Variants in PTPRS observed in about 807,000 individuals in gnomAD.
The protein encoded by PTPRS is receptor-type tyrosine-protein phosphatase S.
A neutral mutation model predicts 215.3 loss-of-function variants in PTPRS; 63 were observed. The ratio of observed to expected loss-of-function variants is 0.29; its 90% confidence interval spans 0.24 to 0.36. The LOEUF (loss-of-function observed/expected upper bound fraction) is 0.36. Among genes scored for constraint, PTPRS ranks in the 10% least tolerant of loss-of-function variants. The pLI is 1.00. For missense variants in PTPRS, 2,258 were observed against 2,825.8 expected (o/e 0.80, Z 4.56); for synonymous variants, 1,404 against 1,191.4 (o/e 1.18, Z -3.68).
Position 5,293,114 on chromosome 19 carries a change from G to A in PTPRS, c.-94-6880C>T, listed in dbSNP as rs1330257130. 1 of 151,746 alleles carries A rather than the reference G, an allele frequency of 6.6e-6. No individual in the cohort carries two copies. The highest frequency in any genetic ancestry group is 1.5e-5 in the Non-Finnish European group (1 of 67,820). 9.4% of individuals were successfully genotyped at this position (151,746 alleles called of 1,614,324 possible). On this transcript the variant is annotated intron_variant, in intron 1 of 37. Transcript: ENST00000262963. This position sits in a 1 kb window ranked among gnomAD's most constrained non-coding sequence, Gnocchi z 8.4. ...AGCCCGGGGCGGCCCGGGCCTCGGG[G>A]TGGAAGGGGGTCCCGGGCGCACTCA...
Position 5,216,776 on chromosome 19 carries a change from A to G in PTPRS, c.4049-9T>C. ...GCTCCTGAGGCCTGAATCTGCAAAC[A>G]GCAAACAATAAATAAATGAAAACAT... On this transcript the variant is annotated splice_polypyrimidine_tract_variant and intron_variant, in intron 25 of 37. Transcript: ENST00000262963. 6.4e-7 allele frequency: 1 copy of G among 1,552,440 alleles called. No individual in the cohort carries two copies. The highest frequency in any genetic ancestry group is 1.7e-4 in the Middle Eastern group (1 of 5,992).
In PTPRS at chr19:5,237,848, C is replaced by T. The variant is rs1194329140; in HGVS notation, c.1849+1071G>A. 3.3e-5 allele frequency among the ~76,000 whole-genome samples: 5 copies of T among 150,972 alleles called. No individual in the cohort carries two copies. The South Asian group carries it at 1.1e-3, about 32-fold the overall frequency. On this transcript the variant is annotated intron_variant, in intron 13 of 37. Transcript: ENST00000262963. This position sits in a 1 kb window ranked among gnomAD's most constrained non-coding sequence, Gnocchi z 4.2. ...GGGAGCAGGAAGGAGGGAAGGGGGC[C>T]GGCGGGGGCAGGGGGGTTGTGTCTC...
Position 5,220,368 on chromosome 19 carries a change from GAA to G in PTPRS, c.3456-17_3456-16del. 3 of 1,604,628 alleles carry G rather than the reference GAA, an allele frequency of 1.9e-6. No individual in the cohort carries two copies. Among genetic ancestry groups the G allele is most frequent in the Non-Finnish European group, 2.6e-6 (3 of 1,172,706 alleles). On this transcript the variant is annotated splice_polypyrimidine_tract_variant and intron_variant, in intron 20 of 37. Coordinates refer to ENST00000262963, the MANE Select transcript of PTPRS (RefSeq NM_002850.4). The stretch of plus-strand genomic sequence containing the variant: ...TGAAATAGCTCCTGTAGGGAGATGG[GAA>G]AGAGTCAGAGGGGCTGTCGATAGGG...
intron 8 of PTPRS, 131 bp from the exon 9 acceptor site, chr19:5,256,250 T>TC (rs2045550808): frequency 1.5e-6 from 1 of 678,824 alleles, no homozygotes. Context: ...GTTTTTTTTT[T>TC]CTTTAAACCA....
intron 1 of PTPRS, among the ~76,000 whole-genome samples, chr19:5,306,038 G>A (rs1423496185): frequency 6.6e-6 from 1 of 150,736 alleles, no homozygotes; most frequent in Non-Finnish European, 1.5e-5. Flanking sequence ...TTGAGGAAGG[G>A]AGGGAGTCCC....
At chr19:5,311,359 C>T (rs2049696089) in intron 1 of PTPRS, among the ~76,000 whole-genome samples, 1 of 152,116 alleles carries the variant, frequency 6.6e-6, no homozygotes, top group Admixed American at 6.6e-5. Flanking sequence ...AGGGTTTTTC[C>T]CTCTGTCTTC....
rs1419809370 is a variant in PTPRS, at chr19:5,211,578, C to T, written c.5234+12G>A. ...TTCTGGGGCCCTGAGGTGGGAAAGG[C>T]ATGGCACCTACCTGTAGCCATCAAT... On this transcript the variant is annotated intron_variant, in intron 33 of 37. Coordinates refer to ENST00000262963, the MANE Select transcript of PTPRS (RefSeq NM_002850.4). 1.9e-6 allele frequency: 3 copies of T among 1,599,066 alleles called. No homozygotes were observed. The Middle Eastern group carries it at 5.1e-4, about 270-fold the overall frequency.
At chr19:5,290,410 G>A (rs2146962527) in intron 1 of PTPRS, among the ~76,000 whole-genome samples, 1 of 152,336 alleles carries the variant, frequency 6.6e-6, no homozygotes, top group East Asian at 1.9e-4. Context: ...CGCCTCTGGG[G>A]GCTCCCCCGC....
intron 20 of PTPRS, 34 bp downstream of exon 20, chr19:5,220,966 T>C: frequency 6.4e-7 from 1 of 1,564,352 alleles, no homozygotes; most frequent in African/African-American, 1.4e-5. Flanking sequence ...CTGATGGGGG[T>C]GACAAGGAAC....
At position 5,339,201 on chromosome 19, in the gene PTPRS, A is replaced by C. The variant is rs970085115; in HGVS notation, c.-95+1463T>G. On this transcript the variant is annotated intron_variant, in intron 1 of 37. Transcript: ENST00000262963. The surrounding 1 kb of genome is among the most constrained non-coding windows in gnomAD (Gnocchi z 4.2). ...CTCCCCTAGATTGTGACGGGGGGGG[A>C]CAGGGGAATCCCAGCTGAGCCCAGA... is the stretch of plus-strand genomic sequence containing the variant. Among the ~76,000 whole-genome samples the C allele has an allele frequency of 1.3e-5, 2 of 150,768 alleles. No homozygotes were observed. Among genetic ancestry groups the C allele is most frequent in the Non-Finnish European group, 3.0e-5 (2 of 67,690 alleles).
chr19:5,238,881 C>A, intron 13 of PTPRS, 38 bp downstream of exon 13: 2 of 1,541,068 alleles, frequency 1.3e-6, no homozygotes, highest in Non-Finnish European at 1.7e-6. Context: ...AGGCCGTGGT[C>A]CCTCCCGCAG....
At chr19:5,219,124 T>G in intron 23 of PTPRS, 186 bp downstream of exon 23, 1 of 816,794 alleles carries the variant, frequency 1.2e-6, no homozygotes, top group Non-Finnish European at 1.9e-6. Flanking sequence ...CTGGCCTGCT[T>G]TGAGCCCTAG....
intron 7 of PTPRS, 146 bp from the exon 8 acceptor site, chr19:5,258,273 C>T (rs997838496): frequency 2.3e-5 from 15 of 657,900 alleles, no homozygotes; most frequent in Non-Finnish European, 4.0e-5. Flanking sequence ...ACCTGGAAGC[C>T]CTAGCTTGGC....
rs367731718 is a variant in PTPRS, at chr19:5,212,049, G to A, written c.4971C>T (p.Pro1657=). 5.3e-5 allele frequency: 86 copies of A among 1,613,962 alleles called. No homozygotes were observed. Among genetic ancestry groups the A allele is most frequent in the Admixed American group, 4.0e-4 (24 of 60,024 alleles). The change falls in exon 32 of 38, where the codon CCC becomes CCT. Residue 1657 remains proline (P), a synonymous_variant. Coordinates refer to ENST00000262963, the MANE Select transcript of PTPRS (RefSeq NM_002850.4). ...EAVGCGNTEV[P]ARSLYAYIQK... is the part of the protein sequence containing the mutation. Reference sequence around the variant, plus strand: ...GGATGTAGGCATAGAGGCTGCGTGCGGGCACTTCTGTGTTGCCACAGCCCA... The same window carrying A: ...GGATGTAGGCATAGAGGCTGCGTGCAGGCACTTCTGTGTTGCCACAGCCCA...
intron 12 of PTPRS, 95 bp from the exon 13 acceptor site, chr19:5,239,158 G>GAT: frequency 1.4e-6 from 1 of 714,684 alleles, no homozygotes; most frequent in Non-Finnish European, 2.2e-6. Flanking sequence ...AACAGAGGGG[G>GAT]GAGGGGGAGA....
At chr19:5,327,412 G>A (rs1482212515) in intron 1 of PTPRS, among the ~76,000 whole-genome samples, 3 of 152,186 alleles carry the variant, frequency 2.0e-5, no homozygotes, top group Admixed American at 6.5e-5. Flanking sequence ...GAAAACTGAG[G>A]CCCTGGAGGG....
intron 1 of PTPRS, among the ~76,000 whole-genome samples, chr19:5,316,228 C>T (rs2049871820): frequency 6.6e-6 from 1 of 151,814 alleles, no homozygotes; most frequent in South Asian, 2.1e-4. Context: ...CTTTTTAATA[C>T]TCTTTTGGAC....
intron 1 of PTPRS, among the ~76,000 whole-genome samples, 182 bp downstream of exon 1, chr19:5,340,468 CGGGCGCAGCTACCG>C (rs917777145): frequency 6.4e-4 from 97 of 151,010 alleles, no homozygotes; most frequent in African/African-American, 2.2e-3. Flanking sequence ...GGGCATTGTC[CGGGCGCAGCTACCG>C]GGGCGCAGCG....
chr19:5,246,808 TA>T (rs1670021173), intron 9 of PTPRS, among the ~76,000 whole-genome samples: 1 of 152,162 alleles, frequency 6.6e-6, no homozygotes, highest in South Asian at 2.1e-4. Context: ...GAAACCCTTC[TA>T]AAAGCTTCTG....
Sources: allele counts gnomAD v4.1 joint callset (sites outside exome capture counted in the v4.1 genomes callset), GRCh38; gene constraint gnomAD v4.1.1; non-coding constraint Gnocchi (gnomAD v3.1); transcripts MANE v1.5; gene names NCBI Gene and HGNC (gene_info 2026-07-23, HGNC 2026-07-21).